Variants in RIPOR2 observed in about 807,000 individuals in gnomAD.
RIPOR2 encodes the protein rho family-interacting cell polarization regulator 2.
A neutral mutation model predicts 114.5 loss-of-function variants in RIPOR2; 39 were observed. The observed-to-expected ratio is 0.34, with a 90% CI of 0.26 to 0.44. The LOEUF (loss-of-function observed/expected upper bound fraction) is 0.44, where lower values mean the gene tolerates loss of function less well. Among genes scored for constraint, RIPOR2 ranks in the 20% least tolerant of loss-of-function variants. The probability of loss-of-function intolerance (pLI) is 1.00; values close to 1 mark genes in which losing one functional copy is unlikely to be tolerated. For synonymous variants in RIPOR2, 445 were observed against 484.4 expected, an observed-to-expected ratio of 0.92 and a Z score of 1.07; for missense variants, 1,007 against 1,255.1, an observed-to-expected ratio of 0.80 and a Z score of 2.99.
chr6:25,015,896 G>GTTTTTT lies in RIPOR2; in HGVS notation c.76+25949_76+25954dup, dbSNP rs869301317. 5.5e-3 allele frequency: 250 copies of GTTTTTT among 45,858 alleles called. 66 individuals are homozygous for GTTTTTT. The highest frequency in any genetic ancestry group is 0.041 in the Middle Eastern group (3 of 74). 2.8% of individuals were successfully genotyped at this position (45,858 alleles called of 1,614,324 possible). A position where few individuals can be genotyped will look rare whatever the true frequency, so the allele number is the denominator to read the frequency against. On this transcript the variant is annotated intron_variant, in intron 1 of 13. Coordinates refer to the RIPOR2 transcript ENST00000510784. ...TCCCCTTAAAAACGCAGGTTTTTTG[G>GTTTTTT]TTTTTTTTTTTTTTTTTTTTTTTTT...
chr6:25,017,026 A>T lies in RIPOR2; in HGVS notation c.76+24825T>A, dbSNP rs546767162. On this transcript the variant is annotated intron_variant, in intron 1 of 13. Transcript: ENST00000510784. Reference sequence around the variant, plus strand: ...GCCAGCTGGCAGACACTTTGTGGGGAGGTAGGGACTGGAACAGTGTTAAAA... The same window carrying T: ...GCCAGCTGGCAGACACTTTGTGGGGTGGTAGGGACTGGAACAGTGTTAAAA... Among the ~76,000 whole-genome samples, 3 of 152,244 alleles carry T rather than the reference A, an allele frequency of 2.0e-5. No homozygotes were observed. The East Asian group carries it at 5.8e-4, about 29-fold the overall frequency.
intron 1 of RIPOR2, among the ~76,000 whole-genome samples, chr6:24,915,557 G>A (rs1770008926): frequency 6.6e-6 from 1 of 152,070 alleles, no homozygotes; most frequent in Admixed American, 6.6e-5. Flanking sequence ...TAGAGATGGG[G>A]TTTCACCAGG....
chr6:25,005,906 T>C (rs1171820142), intron 1 of RIPOR2, among the ~76,000 whole-genome samples: 1 of 151,588 alleles, frequency 6.6e-6, no homozygotes, highest in Non-Finnish European at 1.5e-5. Context: ...TGTTCTCAGA[T>C]GATGAAAGCA....
chr6:24,865,525 T>A, intron 6 of RIPOR2, 75 bp from the exon 7 acceptor site: 1 of 1,226,710 alleles, frequency 8.2e-7, no homozygotes, highest in Non-Finnish European at 1.1e-6. Flanking sequence ...GTTACATGCT[T>A]AATTTACTTT....
intron 1 of RIPOR2, among the ~76,000 whole-genome samples, chr6:24,961,801 A>G (rs546325559): frequency 1.3e-5 from 2 of 151,718 alleles, no homozygotes; most frequent in Non-Finnish European, 2.9e-5. Context: ...AATTTTTTGT[A>G]TTTTTAGTAG....
chr6:24,927,439 CCAT>C (rs1487436129), intron 1 of RIPOR2, among the ~76,000 whole-genome samples: 2 of 151,772 alleles, frequency 1.3e-5, no homozygotes, highest in Non-Finnish European at 2.9e-5. Flanking sequence ...ATCACCACCA[CCAT>C]CATCAACATT....
chr6:24,886,725 T>G (rs757709495), intron 1 of RIPOR2, among the ~76,000 whole-genome samples: 2 of 152,210 alleles, frequency 1.3e-5, no homozygotes, highest in African/African-American at 4.8e-5. Flanking sequence ...CCATTACCGG[T>G]GATGTTAACT....
At chr6:25,023,275 A>G (rs1225108838) in intron 1 of RIPOR2, 17 of 749,970 alleles carry the variant, frequency 2.3e-5, no homozygotes, top group Non-Finnish European at 3.9e-5. Flanking sequence ...TGCTCTGCAG[A>G]CGATGATATT....
chr6:24,963,437 T>G (rs1227259743), intron 1 of RIPOR2, among the ~76,000 whole-genome samples: 1 of 152,204 alleles, frequency 6.6e-6, no homozygotes, highest in African/African-American at 2.4e-5. Context: ...TTTATAAAAA[T>G]GTTGACATAG....
At chr6:25,004,723 G>C (rs1341323642) in intron 1 of RIPOR2, among the ~76,000 whole-genome samples, 5 of 152,176 alleles carry the variant, frequency 3.3e-5, no homozygotes, top group African/African-American at 1.2e-4. Context: ...TTTTTGGAGA[G>C]AAGCCATGCC....
At chr6:25,002,044 C>T (rs1238668849) in intron 1 of RIPOR2, among the ~76,000 whole-genome samples, 5 of 152,154 alleles carry the variant, frequency 3.3e-5, no homozygotes, top group Non-Finnish European at 7.3e-5. Context: ...CTATTCAGCT[C>T]TACCATTGTA....
intron 1 of RIPOR2, among the ~76,000 whole-genome samples, chr6:24,902,708 T>TTTC (rs1027032020): frequency 6.6e-6 from 1 of 152,220 alleles, no homozygotes; most frequent in Non-Finnish European, 1.5e-5. Flanking sequence ...TGGTACCAAC[T>TTTC]CCACTTTCCC....
At chr6:24,852,488 CA>C in intron 9 of RIPOR2, 86 bp downstream of exon 9, 1 of 1,019,672 alleles carries the variant, frequency 9.8e-7, no homozygotes, top group Non-Finnish European at 1.5e-6. Flanking sequence ...AAAAAAAAGA[CA>C]ACTTGAAAAG....
At chr6:25,030,689 CGTT>C (rs771456692) in intron 1 of RIPOR2, among the ~76,000 whole-genome samples, 2 of 151,886 alleles carry the variant, frequency 1.3e-5, no homozygotes, top group Non-Finnish European at 1.5e-5. Context: ...TGCTGTTTTT[CGTT>C]GTTGTTGTTT....
chr6:24,918,212 T>C (rs1770231525), intron 1 of RIPOR2, among the ~76,000 whole-genome samples: 1 of 151,820 alleles, frequency 6.6e-6, no homozygotes, highest in African/African-American at 2.4e-5. Context: ...CCCATCCCCC[T>C]TGTAACTCGT....
intron 11 of RIPOR2, 66 bp from the exon 12 acceptor site, chr6:24,848,220 G>A: frequency 6.5e-7 from 1 of 1,526,830 alleles, no homozygotes; most frequent in South Asian, 1.2e-5. Flanking sequence ...CAGACCACAG[G>A]CTAAGAGAGT....
At chr6:25,033,879 T>A (rs998382498) in intron 1 of RIPOR2, among the ~76,000 whole-genome samples, 1 of 152,174 alleles carries the variant, frequency 6.6e-6, no homozygotes, top group Non-Finnish European at 1.5e-5. Context: ...TTTGGTTTTT[T>A]GACTGAGGAT....
At chr6:24,917,821 G>A (rs1465417153) in intron 1 of RIPOR2, among the ~76,000 whole-genome samples, 2 of 152,124 alleles carry the variant, frequency 1.3e-5, no homozygotes, top group South Asian at 2.1e-4. Flanking sequence ...GAGCCACCAC[G>A]CCCAGCTGTA....
intron 1 of RIPOR2, among the ~76,000 whole-genome samples, chr6:25,018,629 A>G (rs896061070): frequency 6.6e-6 from 1 of 152,184 alleles, no homozygotes; most frequent in African/African-American, 2.4e-5. Flanking sequence ...GCTTCCTCCA[A>G]TATGTTTAAC....
Sources: gnomAD v4.1 joint callset for allele counts (sites outside exome capture counted in the v4.1 genomes callset) on GRCh38, gnomAD v4.1.1 for gene constraint, MANE v1.5 for transcripts, NCBI Gene and HGNC (gene_info 2026-07-23, HGNC 2026-07-21) for gene names.